The following CEP89 variants were observed in gnomAD, a reference collection of about 807,000 sequenced individuals.
The protein encoded by CEP89 is centrosomal protein of 89 kDa.
CEP89 carries 95 observed loss-of-function variants against 97.6 expected under a neutral mutation model. The observed-to-expected ratio is 0.97, with a 90% CI of 0.82 to 1.15. The LOEUF (loss-of-function observed/expected upper bound fraction) is 1.15. CEP89 is among the 50% of genes most tolerant of loss of function. The probability of loss-of-function intolerance (pLI) is 0.00; values close to 1 mark genes in which losing one functional copy is unlikely to be tolerated. For synonymous variants in CEP89, 354 were observed against 349.1 expected (o/e 1.01, Z -0.16); for missense variants, 869 against 947.7 (o/e 0.92, Z 1.09).
rs1969297601 is a variant in CEP89, at chr19:32,882,140, G to A, written c.1966-127C>T. On this transcript the variant is annotated intron_variant, in intron 17 of 18. Coordinates refer to ENST00000305768, the MANE Select transcript of CEP89 (RefSeq NM_032816.5). ...TTTAAAATCTAGCAACCCCGGATAAGTTTGGTCTGGGATTGCAAGTCTGGA... is the reference window on the plus strand; with the variant it reads ...TTTAAAATCTAGCAACCCCGGATAAATTTGGTCTGGGATTGCAAGTCTGGA... The A allele has an allele frequency of 7.9e-6, 6 of 760,328 alleles. No homozygotes were observed. In the South Asian group the frequency reaches 9.8e-5, roughly 12 times the overall value. 47.1% of individuals were successfully genotyped at this position (760,328 alleles called of 1,614,324 possible).
chr19:32,931,505 A>G lies in CEP89; in HGVS notation c.953T>C (p.Leu318Ser), dbSNP rs199833062. The change falls in exon 9 of 19, where the codon TTG (leucine) becomes TCG (serine). Residue 318 changes from leucine (L) to serine (S), a missense_variant. Transcript: ENST00000305768. ...AQELVDENDG[L>S]KMTVHRLNVE... is the part of the protein sequence containing the mutation. ...ATTCAAACGATGGACAGTCATTTTC[A>G]ATCCATCATTTTCATCCACCAGTTC... 6.3e-7 allele frequency: 1 copy of G among 1,590,146 alleles called. No individual in the cohort carries two copies. The highest frequency in any genetic ancestry group is 1.9e-5 in the Admixed American group (1 of 52,238).
chr19:32,926,079 T>G (rs987340016), intron 11 of CEP89, 111 bp downstream of exon 11: 9 of 775,540 alleles, frequency 1.2e-5, no homozygotes, highest in Non-Finnish European at 2.0e-5. Flanking sequence ...AATAAACATT[T>G]GGTTATCTAT....
chr19:32,933,403 G>C, intron 8 of CEP89, 48 bp downstream of exon 8: 2 of 1,239,914 alleles, frequency 1.6e-6, no homozygotes, highest in Non-Finnish European at 2.3e-6. Flanking sequence ...AAATAATTGA[G>C]TGAAGTCCTG....
At chr19:32,886,363 T>C (rs557981459) in intron 17 of CEP89, among the ~76,000 whole-genome samples, 2 of 152,166 alleles carry the variant, frequency 1.3e-5, no homozygotes, top group African/African-American at 4.8e-5. Flanking sequence ...AGACTTCCCA[T>C]GTTCCCACCA....
chr19:32,959,315 G>A (rs1294309557), intron 3 of CEP89, among the ~76,000 whole-genome samples: 5 of 152,054 alleles, frequency 3.3e-5, no homozygotes, highest in Non-Finnish European at 7.4e-5. Flanking sequence ...ATCATGCCTA[G>A]CCCTTGAGCT....
At chr19:32,963,316 AC>A (rs1971207855) in intron 2 of CEP89, among the ~76,000 whole-genome samples, 1 of 152,194 alleles carries the variant, frequency 6.6e-6, no homozygotes, top group South Asian at 2.1e-4. Flanking sequence ...AAATCGTTCC[AC>A]TGCACTCCAG....
At chr19:32,887,986 G>A (rs1969435476) in intron 16 of CEP89, 145 bp from the exon 17 acceptor site, 1 of 623,350 alleles carries the variant, frequency 1.6e-6, no homozygotes, top group South Asian at 1.9e-5. Context: ...CACCCACTGT[G>A]TGAGGGCCTG....
chr19:32,963,093 C>A (rs1261504100), intron 2 of CEP89, among the ~76,000 whole-genome samples: 3 of 152,288 alleles, frequency 2.0e-5, no homozygotes, highest in African/African-American at 4.8e-5. Context: ...CGGTAGCTCA[C>A]GCCTGTAATC....
At chr19:32,902,676 A>G (rs1969805954) in intron 14 of CEP89, among the ~76,000 whole-genome samples, 1 of 152,186 alleles carries the variant, frequency 6.6e-6, no homozygotes, top group Admixed American at 6.5e-5. Flanking sequence ...TGAGCCCAGG[A>G]GCCAGAGATC....
Position 32,878,179 on chromosome 19 carries a change from G to A in CEP89, c.*983C>T, listed in dbSNP as rs1969204823. 6.6e-6 allele frequency: 1 copy of A among 152,392 alleles called. No homozygotes were observed. Among genetic ancestry groups the A allele is most frequent in the South Asian group, 2.1e-4 (1 of 4,826 alleles). The allele number at this position is 152,392 out of a possible 1,614,324, so 9.4% of individuals were successfully genotyped here. Reference sequence around the variant, plus strand: ...GGGATGGGAGGATCGCTTGAGCCTGGAGGTCAAGGCTGTGGTGATTGCACC... The same window carrying A: ...GGGATGGGAGGATCGCTTGAGCCTGAAGGTCAAGGCTGTGGTGATTGCACC... On this transcript the variant is annotated 3_prime_UTR_variant, in exon 19 of 19. Transcript: ENST00000305768.
chr19:32,888,127 T>G (rs1358045025), intron 16 of CEP89, among the ~76,000 whole-genome samples: 4 of 152,202 alleles, frequency 2.6e-5, no homozygotes, highest in Non-Finnish European at 5.9e-5. Context: ...AGAATGCATC[T>G]CTACTCTTAT....
chr19:32,921,229 A>AAAAAG (rs1555791345), intron 12 of CEP89, among the ~76,000 whole-genome samples: 1 of 113,400 alleles, frequency 8.8e-6, no homozygotes, highest in Non-Finnish European at 2.0e-5. Flanking sequence ...CTCAAAAAAA[A>AAAAAG]AAAGAAAGAA....
At chr19:32,905,354 C>A (rs546459090) in intron 14 of CEP89, among the ~76,000 whole-genome samples, 1 of 152,164 alleles carries the variant, frequency 6.6e-6, no homozygotes, top group East Asian at 1.9e-4. Context: ...CAAGGTTATA[C>A]TAACCTCATT....
At chr19:32,879,852 CA>C (rs1969243722) in intron 18 of CEP89, among the ~76,000 whole-genome samples, 1 of 152,212 alleles carries the variant, frequency 6.6e-6, no homozygotes, top group South Asian at 2.1e-4. Context: ...GTGACCTGGC[CA>C]GCACTCAGTG....
chr19:32,959,473 C>A (rs141467618), intron 3 of CEP89, among the ~76,000 whole-genome samples: 177 of 152,292 alleles, frequency 1.2e-3, no homozygotes, highest in African/African-American at 4.1e-3. Flanking sequence ...GGCTAAACTG[C>A]AGCTGCCAAG....
At chr19:32,941,040 C>A (rs143609379) in intron 5 of CEP89, among the ~76,000 whole-genome samples, 1 of 152,058 alleles carries the variant, frequency 6.6e-6, no homozygotes, top group Non-Finnish European at 1.5e-5. Context: ...GGATTACAGG[C>A]GTGAGCCACT....
intron 18 of CEP89, among the ~76,000 whole-genome samples, chr19:32,879,660 T>C (rs17206282): frequency 0.25 from 37,606 of 152,122 alleles, 5,536 homozygotes; most frequent in Non-Finnish European, 0.35. Context: ...CTTCCCTCTA[T>C]GTTCTGCCCT....
At chr19:32,893,375 G>A (rs888553179) in intron 16 of CEP89, among the ~76,000 whole-genome samples, 1 of 152,076 alleles carries the variant, frequency 6.6e-6, no homozygotes, top group African/African-American at 2.4e-5. Context: ...CAGCATCCAG[G>A]TATATAAAGC....
At chr19:32,959,843 C>G in intron 3 of CEP89, 57 bp downstream of exon 3, 2 of 1,602,224 alleles carry the variant, frequency 1.2e-6, no homozygotes, top group South Asian at 1.1e-5. Context: ...AGAGACCAGG[C>G]TGAGCCTGCC....
Sources: gnomAD v4.1 joint callset for allele counts (sites outside exome capture counted in the v4.1 genomes callset) on GRCh38, gnomAD v4.1.1 for gene constraint, MANE v1.5 for transcripts, NCBI Gene and HGNC (gene_info 2026-07-23, HGNC 2026-07-21) for gene names.